NLGN4X: variants seen among roughly 807,000 people sequenced by gnomAD.
NLGN4X encodes the protein neuroligin 4 X-linked.
A neutral mutation model predicts 40.3 loss-of-function variants in NLGN4X; 3 were observed. The observed-to-expected ratio is 0.07, with a 90% confidence interval of 0.03 to 0.19. NLGN4X has a LOEUF of 0.19. Ranked by LOEUF, NLGN4X falls within the 10% of genes least tolerant of loss-of-function variation. The probability of loss-of-function intolerance (pLI) is 1.00; values close to 1 mark genes in which losing one functional copy is unlikely to be tolerated. For synonymous variants in NLGN4X, 270 were observed against 306.8 expected, an observed-to-expected ratio of 0.88 and a Z score of 1.25; for missense variants, 382 against 708.3, an observed-to-expected ratio of 0.54 and a Z score of 5.23.
intron 2 of NLGN4X, among the ~76,000 whole-genome samples, chrX:6,108,723 CA>C (rs201892106): frequency 0.048 from 5,317 of 110,062 alleles, 127 homozygotes; most frequent in Non-Finnish European, 0.074. Flanking sequence ...TTGTAGAAAT[CA>C]ATTTTCCATG....
intron 2 of NLGN4X, among the ~76,000 whole-genome samples, chrX:6,068,294 T>C (rs371412955): frequency 3.6e-4 from 40 of 111,765 alleles, no homozygotes; most frequent in African/African-American, 1.1e-3. Context: ...ATCTTGTTCA[T>C]AGGTTTGCCA....
intron 2 of NLGN4X, among the ~76,000 whole-genome samples, chrX:6,057,415 A>T (rs2037659644): frequency 8.9e-6 from 1 of 112,069 alleles, no homozygotes; most frequent in Non-Finnish European, 1.9e-5. Context: ...AGATGACCAC[A>T]CGGACAGCTG....
chrX:6,094,617 C>T (rs185408713), intron 2 of NLGN4X, among the ~76,000 whole-genome samples: 55 of 111,161 alleles, frequency 4.9e-4, no homozygotes, highest in Middle Eastern at 4.6e-3. Flanking sequence ...GATGACAGAT[C>T]ACCCTACTTC....
chrX:6,135,672 C>A (rs2039798899), intron 2 of NLGN4X, among the ~76,000 whole-genome samples: 1 of 111,351 alleles, frequency 9.0e-6, no homozygotes, highest in African/African-American at 3.3e-5. Flanking sequence ...GGTTGGCATG[C>A]AACTAAAATT....
At chrX:6,036,610 G>GCACACA (rs55801725) in intron 2 of NLGN4X, among the ~76,000 whole-genome samples, 2,793 of 93,507 alleles carry the variant, frequency 0.03, 51 homozygotes, top group Admixed American at 0.083. Flanking sequence ...TGTGGCTGGC[G>GCACACA]CACACACACA....
chrX:6,227,866 G>A (rs1926520506), intron 1 of NLGN4X: 1 of 106,501 alleles, frequency 9.4e-6, no homozygotes, highest in African/African-American at 3.4e-5. Context: ...AACCAAGCCG[G>A]TTTTCCCTTT....
chrX:5,894,029 C>T (rs755860845), intron 5 of NLGN4X, among the ~76,000 whole-genome samples: 22 of 112,151 alleles, frequency 2.0e-4, no homozygotes, highest in Non-Finnish European at 3.4e-4. Context: ...TCACTCTTGT[C>T]GAACTGTAAA....
At chrX:6,111,264 A>G (rs183825120) in intron 2 of NLGN4X, among the ~76,000 whole-genome samples, 10 of 111,790 alleles carry the variant, frequency 8.9e-5, no homozygotes, top group African/African-American at 3.2e-4. Context: ...ACACAACATG[A>G]TAACTCTACC....
chrX:6,215,334 TG>T (rs11338608), intron 1 of NLGN4X, among the ~76,000 whole-genome samples: 15,875 of 110,083 alleles, frequency 0.14, 1,077 homozygotes, highest in African/African-American at 0.25. Context: ...GTGGATCACC[TG>T]AGGTCGGGAG....
intron 1 of NLGN4X, among the ~76,000 whole-genome samples, chrX:6,221,204 C>A (rs1925651841): frequency 9.4e-6 from 1 of 106,283 alleles, no homozygotes; most frequent in South Asian, 4.2e-4. Context: ...GATCCTCCCA[C>A]CTCAGCTGGA....
intron 3 of NLGN4X, among the ~76,000 whole-genome samples, chrX:5,989,086 A>AAG (rs1569171817): frequency 1.2e-5 from 1 of 85,332 alleles, no homozygotes; most frequent in African/African-American, 4.5e-5. Context: ...AAAAAAAATA[A>AAG]AAAAAATAAA....
At chrX:6,155,421 T>C (rs1243410911) in intron 1 of NLGN4X, among the ~76,000 whole-genome samples, 1 of 112,534 alleles carries the variant, frequency 8.9e-6, no homozygotes, top group African/African-American at 3.2e-5. Flanking sequence ...CTGCATAAGC[T>C]ACAGACATCT....
intron 3 of NLGN4X, among the ~76,000 whole-genome samples, chrX:5,930,740 C>A (rs2033518017): frequency 8.9e-6 from 1 of 112,254 alleles, no homozygotes; most frequent in Admixed American, 9.5e-5. Context: ...TGCATGAGGT[C>A]TGTGGAAGTG....
intron 3 of NLGN4X, among the ~76,000 whole-genome samples, chrX:6,004,639 C>G (rs1051384131): frequency 8.9e-6 from 1 of 111,791 alleles, no homozygotes; most frequent in Non-Finnish European, 1.9e-5. Flanking sequence ...TCTTCTATCA[C>G]TAAACATTAA....
At chrX:5,987,477 A>G (rs1189283616) in intron 3 of NLGN4X, among the ~76,000 whole-genome samples, 1 of 112,838 alleles carries the variant, frequency 8.9e-6, no homozygotes, top group Non-Finnish European at 1.9e-5. Context: ...TTCACATTGC[A>G]TGGAGCATTG....
intron 1 of NLGN4X, among the ~76,000 whole-genome samples, chrX:6,200,692 T>TTTTTTTCTTTTTTC (rs1397735211): frequency 1.6e-4 from 14 of 89,991 alleles, no homozygotes; most frequent in African/African-American, 4.7e-4. Context: ...CTTTTCTTTT[T>TTTTTTTCTTTTTTC]TTTTTTTTTT....
intron 2 of NLGN4X, among the ~76,000 whole-genome samples, chrX:6,080,126 AC>A (rs1365175002): frequency 1.8e-5 from 2 of 109,969 alleles, no homozygotes; most frequent in African/African-American, 3.3e-5. Context: ...AAAAAAAAAA[AC>A]CAGAACAACA....
intron 3 of NLGN4X, among the ~76,000 whole-genome samples, chrX:6,007,959 T>C (rs2036144437): frequency 8.9e-6 from 1 of 111,901 alleles, no homozygotes; most frequent in South Asian, 3.7e-4. Context: ...GTCAGGATGC[T>C]GTGGGGTACG....
rs868543410 is a variant in NLGN4X, at chrX:6,161,393, A to T, written c.-305-9622T>A. On this transcript the variant is annotated intron_variant, in intron 1 of 5. Coordinates refer to ENST00000381095, the MANE Select transcript of NLGN4X (RefSeq NM_181332.3). ...TATTCTATATATAATATAGGATATA[A>T]AATATATTATTCTATATATAATATA... 6.6e-3 allele frequency among the ~76,000 whole-genome samples: 541 copies of T among 82,384 alleles called. 1 individual carries two copies. Among genetic ancestry groups the T allele is most frequent in the East Asian group, 0.013 (34 of 2,531 alleles). 71.5% of individuals were successfully genotyped at this position (82,384 alleles called of 115,157 possible).
Sources: allele counts gnomAD v4.1 joint callset (sites outside exome capture counted in the v4.1 genomes callset), GRCh38; gene constraint gnomAD v4.1.1; transcripts MANE v1.5; gene names NCBI Gene and HGNC (gene_info 2026-07-23, HGNC 2026-07-21).